Variants in EXT1 observed in about 807,000 individuals in gnomAD.
EXT1 encodes exostosin-1.
Under a neutral mutation model 82.5 loss-of-function variants are expected in EXT1, and 20 were observed. That is an observed-to-expected ratio of 0.24 (90% CI 0.17 to 0.35). The LOEUF is 0.35. EXT1 is among the 10% of genes least tolerant of loss of function. The pLI is 1.00. For missense variants in EXT1, 757 were observed against 936.5 expected, an observed-to-expected ratio of 0.81 and a Z score of 2.50; for synonymous variants, 348 against 350.8, an observed-to-expected ratio of 0.99 and a Z score of 0.09.
At chr8:117,992,938 T>C (rs1229756100) in intron 1 of EXT1, among the ~76,000 whole-genome samples, 1 of 152,226 alleles carries the variant, frequency 6.6e-6, no homozygotes, top group East Asian at 1.9e-4. Flanking sequence ...TCTCAATATT[T>C]CAGCTTCACA....
intron 1 of EXT1, among the ~76,000 whole-genome samples, chr8:118,072,857 T>G (rs1293402927): frequency 6.6e-6 from 1 of 152,214 alleles, no homozygotes; most frequent in African/African-American, 2.4e-5. Flanking sequence ...TAGTGGGAAC[T>G]CTTACCCAAA....
intron 1 of EXT1, among the ~76,000 whole-genome samples, chr8:117,900,007 T>A (rs915941708): frequency 6.6e-6 from 1 of 152,110 alleles, no homozygotes; most frequent in African/African-American, 2.4e-5. Flanking sequence ...ACATGCCAGG[T>A]GTTGGTCTAA....
intron 1 of EXT1, among the ~76,000 whole-genome samples, chr8:117,922,313 C>G (rs1256158015): frequency 6.6e-6 from 1 of 151,806 alleles, no homozygotes; most frequent in Non-Finnish European, 1.5e-5. Context: ...AACAAACAAA[C>G]AAAAACCCTG....
intron 1 of EXT1, among the ~76,000 whole-genome samples, chr8:118,085,486 T>G (rs1401913233): frequency 2.0e-5 from 3 of 151,448 alleles, no homozygotes; most frequent in African/African-American, 7.3e-5. Flanking sequence ...TTTGTTTTTT[T>G]TTTTTTTTTG....
chr8:117,834,760 T>C (rs1490526143), intron 3 of EXT1, among the ~76,000 whole-genome samples: 2 of 152,076 alleles, frequency 1.3e-5, no homozygotes, highest in East Asian at 1.9e-4. Flanking sequence ...AGAAAAACAT[T>C]AAAGTTCTAG....
Position 117,837,170 on chromosome 8 carries a change from T to A in EXT1, c.994A>T (p.Thr332Ser), listed in dbSNP as rs1296350429. 6.2e-7 allele frequency: 1 copy of A among 1,613,582 alleles called. No homozygotes were observed. The change falls in exon 2 of 11, where the codon ACT becomes TCT. Residue 332 changes from threonine (T) to serine (S), a missense_variant. Around this residue, in one of 4 missense-constraint regions of EXT1, gnomAD observed 247 missense variants for 330.1 expected, o/e 0.75. Coordinates refer to ENST00000378204, the MANE Select transcript of EXT1 (RefSeq NM_000127.3). Reference sequence around the variant, plus strand: ...CGACCACGAGGAACCAGACAGAAAGTGGCATTGTGCAGCATTTCCCGATAA... The same window carrying A: ...CGACCACGAGGAACCAGACAGAAAGAGGCATTGTGCAGCATTTCCCGATAA... ...YDYREMLHNA[T>S]FCLVPRGRRL...
intron 8 of EXT1, 123 bp from the exon 9 acceptor site, chr8:117,807,500 T>C (rs1823257468): frequency 7.5e-6 from 8 of 1,073,252 alleles, no homozygotes; most frequent in African/African-American, 3.1e-5. Flanking sequence ...ATTAATTCTA[T>C]GTATTCATCA....
At chr8:118,036,374 G>A (rs1816419195) in intron 1 of EXT1, among the ~76,000 whole-genome samples, 1 of 151,952 alleles carries the variant, frequency 6.6e-6, no homozygotes, top group Admixed American at 6.6e-5. Context: ...ATATCTCTCA[G>A]TGGCCGCCCC....
chr8:117,927,390 C>T (rs1213570324), intron 1 of EXT1, among the ~76,000 whole-genome samples: 3 of 152,176 alleles, frequency 2.0e-5, no homozygotes, highest in Non-Finnish European at 4.4e-5. Flanking sequence ...ACTATTTTGG[C>T]TTCTTTAAGC....
In EXT1 at chr8:117,945,203, C is replaced by T. The variant is rs79504994; in HGVS notation, c.963-108002G>A. 3.2e-3 allele frequency among the ~76,000 whole-genome samples: 487 copies of T among 152,188 alleles called. 3 individuals are homozygous for T. Among genetic ancestry groups the T allele is most frequent in the African/African-American group, 0.011 (443 of 41,554 alleles). On this transcript the variant is annotated intron_variant, in intron 1 of 10. Coordinates refer to ENST00000378204, the MANE Select transcript of EXT1 (RefSeq NM_000127.3). ...AAAAAAGATCATCTCACTTACAGTC[C>T]CCATTTTATTGATGAGGAAACTGAG...
chr8:118,059,291 AACTCTCATTT>A (rs901375099), intron 1 of EXT1, among the ~76,000 whole-genome samples: 6 of 152,138 alleles, frequency 3.9e-5, no homozygotes, highest in African/African-American at 1.4e-4. Flanking sequence ...GTAAGCCAGG[AACTCTCATTT>A]AATGGAATAC....
chr8:117,889,487 AT>A (rs1383046623), intron 1 of EXT1, among the ~76,000 whole-genome samples: 1 of 152,116 alleles, frequency 6.6e-6, no homozygotes, highest in Admixed American at 6.5e-5. Context: ...AGCTAGAGTT[AT>A]TTCTCATGTG....
At chr8:118,035,900 G>A (rs1224257139) in intron 1 of EXT1, among the ~76,000 whole-genome samples, 1 of 152,128 alleles carries the variant, frequency 6.6e-6, no homozygotes, top group African/African-American at 2.4e-5. Flanking sequence ...ATTCATATGA[G>A]AACAGATTCT....
chr8:117,940,100 T>C (rs982307207), intron 1 of EXT1, among the ~76,000 whole-genome samples: 3 of 152,194 alleles, frequency 2.0e-5, no homozygotes, highest in Non-Finnish European at 4.4e-5. Flanking sequence ...TGGCATTCAA[T>C]AGCACAGGCC....
chr8:118,035,429 CT>C (rs1816401608), intron 1 of EXT1, among the ~76,000 whole-genome samples: 1 of 152,012 alleles, frequency 6.6e-6, no homozygotes, highest in Non-Finnish European at 1.5e-5. Context: ...ATAAAATTGC[CT>C]TTTTAAAAGT....
At chr8:117,942,095 A>C (rs1814293493) in intron 1 of EXT1, among the ~76,000 whole-genome samples, 1 of 152,222 alleles carries the variant, frequency 6.6e-6, no homozygotes, top group East Asian at 1.9e-4. Flanking sequence ...AGTAATGTCC[A>C]ACCTCATTAA....
At chr8:118,002,381 CAAAAAAAAAAAA>C (rs772109456) in intron 1 of EXT1, among the ~76,000 whole-genome samples, 4 of 61,036 alleles carry the variant, frequency 6.6e-5, no homozygotes, top group East Asian at 4.7e-4. Context: ...ACTCCGTCTC[CAAAAAAAAAAAA>C]AAAAAAAAAG....
intron 1 of EXT1, among the ~76,000 whole-genome samples, chr8:117,870,855 T>C (rs931689011): frequency 1.5e-4 from 14 of 96,386 alleles, no homozygotes; most frequent in Admixed American, 5.3e-4. Context: ...ACACAAAAGA[T>C]TGAAGGAATA....
intron 1 of EXT1, among the ~76,000 whole-genome samples, chr8:117,987,351 G>A (rs1480569376): frequency 6.6e-6 from 1 of 152,200 alleles, no homozygotes; most frequent in East Asian, 1.9e-4. Flanking sequence ...TCCTTGCACA[G>A]CCTCCCAAGA....
Sources: gnomAD v4.1 joint callset for allele counts (sites outside exome capture counted in the v4.1 genomes callset) on GRCh38, gnomAD v4.1.1 for gene constraint, gnomAD v4.1.1 regional missense constraint, MANE v1.5 for transcripts, NCBI Gene and HGNC (gene_info 2026-07-23, HGNC 2026-07-21) for gene names.